Variants in TTC19 observed in about 807,000 individuals in gnomAD.
The protein encoded by TTC19 is tetratricopeptide repeat protein 19, mitochondrial.
Under a neutral mutation model 49.5 loss-of-function variants are expected in TTC19, and 38 were observed. The ratio of observed to expected loss-of-function variants is 0.77; its 90% confidence interval spans 0.59 to 1.01. The LOEUF is 1.01. TTC19 is among the 50% of genes least tolerant of loss of function. The probability of loss-of-function intolerance (pLI) is 0.00; values close to 1 mark genes in which losing one functional copy is unlikely to be tolerated. For synonymous variants in TTC19, 204 were observed against 185.2 expected (o/e 1.10, Z -0.83); for missense variants, 475 against 477.7 (o/e 0.99, Z 0.05).
At chr17:16,038,602 A>G (rs896795973) in intron 2 of TTC19, among the ~76,000 whole-genome samples, 2 of 151,914 alleles carry the variant, frequency 1.3e-5, no homozygotes, top group South Asian at 2.1e-4. Context: ...ACACCCAGCT[A>G]ATTTTTGTAA....
rs1971343671 is a variant in TTC19, at chr17:16,020,472, A to C, written c.677-4545A>C. Reference sequence around the variant, plus strand: ...CTTTTCACATTAGGGCATTTGATGTAGATTAAAAATTTGTATATTAACAGA... The same window carrying C: ...CTTTTCACATTAGGGCATTTGATGTCGATTAAAAATTTGTATATTAACAGA... On this transcript the variant is annotated intron_variant, in intron 7 of 9. Transcript: ENST00000261647. Among the ~76,000 whole-genome samples, 3 of 152,190 alleles carry C rather than the reference A, an allele frequency of 2.0e-5. No homozygotes were observed. In the South Asian group the frequency reaches 6.2e-4, roughly 32 times the overall value.
rs1222730415 is a variant in TTC19 at position 16,028,025 on chromosome 17, TTAATACA to T, written c.*507_*513del. The T allele has an allele frequency of 2.2e-6, 1 of 453,974 alleles. No individual in the cohort carries two copies. The highest frequency in any genetic ancestry group is 2.0e-5 in the African/African-American group (1 of 49,978). The allele number at this position is 453,974 out of a possible 1,614,324, so 28.1% of individuals were successfully genotyped here. A position where few individuals can be genotyped will look rare whatever the true frequency, so the allele number is the denominator to read the frequency against. On this transcript the variant is annotated 3_prime_UTR_variant, in exon 10 of 10. Transcript: ENST00000261647. ...CTGTTTCATGAAGCACAAGTGGAAT[TTAATACA>T]TAAAAGAGAAAAATATCTTAGTTTG...
chr17:16,001,179 C>A (rs575336465), intron 2 of TTC19, among the ~76,000 whole-genome samples: 2 of 152,104 alleles, frequency 1.3e-5, no homozygotes, highest in African/African-American at 4.8e-5. Context: ...ATTATGTCAT[C>A]TCCTTGTCAG....
chr17:16,001,833 G>A, intron 2 of TTC19, 82 bp from the exon 3 acceptor site: 11 of 892,808 alleles, frequency 1.2e-5, no homozygotes, highest in Non-Finnish European at 2.0e-5. Flanking sequence ...CAGTTGGGAT[G>A]TACAGTTGCA....
At chr17:16,023,699 T>C (rs1052660606) in intron 7 of TTC19, 5 of 151,804 alleles carry the variant, frequency 3.3e-5, no homozygotes, top group Admixed American at 3.3e-4. Context: ...AAGAACACTT[T>C]TAATAGTTTA....
intron 2 of TTC19, chr17:16,040,675 C>G (rs1429424381): frequency 6.3e-6 from 4 of 633,128 alleles, no homozygotes; most frequent in Non-Finnish European, 1.1e-5. Flanking sequence ...CAGGGTCTCA[C>G]TCTGTTGCCC....
rs60619976 is a variant in TTC19, at chr17:16,028,674, C to T, written c.*1152C>T. ...CTAGGTACCATGAAGGAAGATTGAC[C>T]CTGTTGGTATGCCTGTGGGGGTGGG... On this transcript the variant is annotated 3_prime_UTR_variant, in exon 10 of 10. Coordinates refer to ENST00000261647, the MANE Select transcript of TTC19 (RefSeq NM_017775.4). 1,347 of 453,226 alleles carry T rather than the reference C, an allele frequency of 3.0e-3. 16 individuals carry two copies. Among genetic ancestry groups the T allele is most frequent in the African/African-American group, 0.025 (1,259 of 49,876 alleles). The allele number at this position is 453,226 out of a possible 1,614,324, so 28.1% of individuals were successfully genotyped here.
intron 4 of TTC19, among the ~76,000 whole-genome samples, 167 bp from the exon 5 acceptor site, chr17:16,003,664 T>C (rs1370706485): frequency 6.6e-6 from 1 of 152,010 alleles, no homozygotes; most frequent in Non-Finnish European, 1.5e-5. Flanking sequence ...TATTTTGATC[T>C]GTTTTCGCTT....
chr17:16,008,773 C>G (rs1180981658), intron 7 of TTC19, among the ~76,000 whole-genome samples: 1 of 152,052 alleles, frequency 6.6e-6, no homozygotes, highest in Admixed American at 6.6e-5. Context: ...CTTTCTCTGG[C>G]CAACTCCCGT....
chr17:16,005,614 C>G (rs921657739), intron 6 of TTC19, among the ~76,000 whole-genome samples: 2 of 152,192 alleles, frequency 1.3e-5, no homozygotes, highest in African/African-American at 2.4e-5. Context: ...TGACTCAACC[C>G]TCTCCAGTTG....
intron 7 of TTC19, chr17:16,023,702 A>G (rs892314785): frequency 1.3e-5 from 2 of 152,212 alleles, no homozygotes; most frequent in Non-Finnish European, 1.5e-5. Flanking sequence ...AACACTTTTA[A>G]TAGTTTATTT....
chr17:16,023,165 A>G (rs922095148), intron 7 of TTC19, among the ~76,000 whole-genome samples: 5 of 152,198 alleles, frequency 3.3e-5, no homozygotes, highest in Non-Finnish European at 7.4e-5. Context: ...CTTTTCAGAA[A>G]GTGTTTCCAT....
chr17:16,042,231 G>A (rs2057846231), intron 2 of TTC19, among the ~76,000 whole-genome samples: 1 of 152,156 alleles, frequency 6.6e-6, no homozygotes, highest in Non-Finnish European at 1.5e-5. Flanking sequence ...TTATGGGCCA[G>A]GTGACAAGGT....
chr17:16,015,613 T>C (rs181743555), intron 7 of TTC19, among the ~76,000 whole-genome samples: 87 of 152,292 alleles, frequency 5.7e-4, no homozygotes, highest in Middle Eastern at 3.4e-3. Flanking sequence ...TTTGATGACA[T>C]AATATTTGGT....
chr17:16,034,811 A>G (rs779302827), intron 2 of TTC19: 13 of 1,613,966 alleles, frequency 8.1e-6, no homozygotes, highest in Non-Finnish European at 1.1e-5. Context: ...GCGTCTGCCT[A>G]TGGTAATCCC....
At chr17:16,004,786 C>T (rs753473903) in intron 6 of TTC19, among the ~76,000 whole-genome samples, 1 of 152,162 alleles carries the variant, frequency 6.6e-6, no homozygotes, top group Non-Finnish European at 1.5e-5. Context: ...TTTGGAGTGA[C>T]ATGGAGCCTG....
Position 16,000,146 on chromosome 17 carries a change from G to A in TTC19, c.213G>A (p.Ala71=), listed in dbSNP as rs778056028. Residue 71 remains alanine, a synonymous_variant, in exon 2 of 10, where the codon GCG becomes GCA. Transcript: ENST00000261647. ...TCGCCTGGTTCTCGAGGCCCGCTGC[G>A]GCAGAGGAGGAGGAGCAGCAGGGAG... is the stretch of plus-strand genomic sequence containing the variant. ...AALAWFSRPA[A]AEEEEQQGAD... 92 of 1,582,516 alleles carry A rather than the reference G, an allele frequency of 5.8e-5. No homozygotes were observed. Among genetic ancestry groups the A allele is most frequent in the Non-Finnish European group, 7.8e-5 (91 of 1,172,874 alleles).
intron 7 of TTC19, among the ~76,000 whole-genome samples, chr17:16,022,769 T>A (rs898990318): frequency 1.3e-5 from 2 of 152,224 alleles, no homozygotes; most frequent in Non-Finnish European, 2.9e-5. Flanking sequence ...TTTGGTAATA[T>A]TTTGAGTAAA....
chr17:16,039,518 C>T lies in TTC19; in HGVS notation c.248-4985C>T, dbSNP rs139149781. Reference sequence around the variant, plus strand: ...TGTTGGCAGTACCAGGCACTACTCCCATAGGCTGGGACATGACAACTCCAT... The same window carrying T: ...TGTTGGCAGTACCAGGCACTACTCCTATAGGCTGGGACATGACAACTCCAT... On this transcript the variant is annotated intron_variant, in intron 2 of 2. Coordinates refer to the TTC19 transcript ENST00000470649. 1.2e-3 allele frequency: 1,945 copies of T among 1,614,140 alleles called. 18 individuals carry two copies. In the South Asian group the frequency reaches 0.014, roughly 11 times the overall value.
Sources: gnomAD v4.1 joint callset for allele counts (sites outside exome capture counted in the v4.1 genomes callset) on GRCh38, gnomAD v4.1.1 for gene constraint, MANE v1.5 for transcripts, NCBI Gene and HGNC (gene_info 2026-07-23, HGNC 2026-07-21) for gene names.